MPPE1: variants seen among roughly 807,000 people sequenced by gnomAD.
MPPE1 encodes the protein metallophosphoesterase 1, also known as metallo phosphoesterase.
In MPPE1, 28 loss-of-function variants were observed where a neutral mutation model predicts 43.8. The observed-to-expected ratio is 0.64, with a 90% CI of 0.47 to 0.88. The LOEUF (loss-of-function observed/expected upper bound fraction) is 0.88, where lower values mean the gene tolerates loss of function less well. MPPE1 is among the 40% of genes least tolerant of loss of function. MPPE1 has a pLI of 0.00. For missense variants in MPPE1, 428 were observed against 492.2 expected (o/e 0.87, Z 1.23); for synonymous variants, 159 against 188.5 (o/e 0.84, Z 1.28).
At chr18:11,885,570 T>G in intron 10 of MPPE1, 106 bp downstream of exon 10, 12 of 1,372,620 alleles carry the variant, frequency 8.7e-6, no homozygotes, top group Non-Finnish European at 1.2e-5. Flanking sequence ...GAAATTTGTG[T>G]GTGGCTTTTG....
chr18:11,907,242 A>C (rs1374532558), intron 1 of MPPE1, among the ~76,000 whole-genome samples: 1 of 152,194 alleles, frequency 6.6e-6, no homozygotes, highest in East Asian at 1.9e-4. Context: ...ATTGATAATA[A>C]ATCTTTCAAC....
rs149502185 is a variant in MPPE1, at chr18:11,884,436, G to A, written c.*9C>T. ...CTTGGGCTTTGATATTTATAATGGC[G>A]CCTGCTCTTCATCTTGTCTTACGCT... On this transcript the variant is annotated 3_prime_UTR_variant, in exon 11 of 11. Transcript: ENST00000588072. The A allele has an allele frequency of 2.2e-4, 358 of 1,611,818 alleles. No homozygotes were observed. The highest frequency in any genetic ancestry group is 8.9e-4 in the East Asian group (40 of 44,808).
chr18:11,903,720 G>T lies in MPPE1; in HGVS notation c.-93+2483C>A, dbSNP rs533724550. Among the ~76,000 whole-genome samples, 7 of 152,270 alleles carry T rather than the reference G, an allele frequency of 4.6e-5. No homozygotes were observed. In the South Asian group the frequency reaches 1.2e-3, roughly 27 times the overall value. On this transcript the variant is annotated intron_variant, in intron 2 of 10. Transcript: ENST00000588072. ...ACTCAGGAGGCTGAGGCAGGAGAATGGCGTGAACCCAGGAGGCGGAGCTTG... is the reference window on the plus strand; with the variant it reads ...ACTCAGGAGGCTGAGGCAGGAGAATTGCGTGAACCCAGGAGGCGGAGCTTG...
At chr18:11,903,438 G>A (rs2143268729) in intron 2 of MPPE1, among the ~76,000 whole-genome samples, 1 of 152,272 alleles carries the variant, frequency 6.6e-6, no homozygotes, top group South Asian at 2.1e-4. Flanking sequence ...CCACCCTAAG[G>A]GATGAATCAT....
chr18:11,903,363 C>G (rs149743800), intron 2 of MPPE1, among the ~76,000 whole-genome samples: 2 of 152,294 alleles, frequency 1.3e-5, no homozygotes, highest in African/African-American at 4.8e-5. Flanking sequence ...ATGCGTACAA[C>G]TTCCTAAACA....
At position 11,897,345 on chromosome 18, in the gene MPPE1, T is replaced by G; in HGVS notation, c.-81A>C. ...TGGGGAGGGTGATGGCATTCAGGTC[T>G]TAGCTGGGCACCTACGGGAAAAGGA... On this transcript the variant is annotated 5_prime_UTR_variant, in exon 3 of 11. Transcript: ENST00000588072. 1 of 1,109,118 alleles carries G rather than the reference T, an allele frequency of 9.0e-7. No individual in the cohort carries two copies. Among genetic ancestry groups the G allele is most frequent in the Non-Finnish European group, 1.3e-6 (1 of 763,978 alleles). 68.7% of individuals were successfully genotyped at this position (1,109,118 alleles called of 1,614,324 possible).
Position 11,886,570 on chromosome 18 carries a change from C to G in MPPE1, c.796G>C (p.Ala266Pro). ...SDANCSGEDA[A>P]PAEERDIPFK... ...GGGATGTCCCTTTCCTCTGCAGGAG[C>G]AGCGTCTTCCCCAGAACAGTTAGCA... Residue 266 changes from alanine (A) to proline (P), a missense_variant, in exon 9 of 11, where the codon GCT becomes CCT. Transcript: ENST00000588072. This position sits in a 1 kb window ranked among gnomAD's most constrained non-coding sequence, Gnocchi z 4.1. The G allele has an allele frequency of 6.2e-7, 1 of 1,614,222 alleles. No individual in the cohort carries two copies. Among genetic ancestry groups the G allele is most frequent in the South Asian group, 1.1e-5 (1 of 91,080 alleles).
rs200408524 is a variant in MPPE1 at position 11,889,370 on chromosome 18, T to C, written c.494+17A>G. 307 of 1,532,542 alleles carry C rather than the reference T, an allele frequency of 2.0e-4. No individual in the cohort carries two copies. The African/African-American group carries it at 3.9e-3, about 20-fold the overall frequency. The allele number at this position is 1,532,542 out of a possible 1,614,324, so 94.9% of individuals were successfully genotyped here. A position where few individuals can be genotyped will look rare whatever the true frequency, so the allele number is the denominator to read the frequency against. On this transcript the variant is annotated intron_variant, in intron 5 of 10. Coordinates refer to ENST00000588072, the MANE Select transcript of MPPE1 (RefSeq NM_023075.6). Reference sequence around the variant, plus strand: ...AACAAGAGCTCTCAGGGTGCAGGGCTTTTGTGAACTACTTACTCATAATGG... The same window carrying C: ...AACAAGAGCTCTCAGGGTGCAGGGCCTTTGTGAACTACTTACTCATAATGG...
chr18:11,896,636 T>A (rs1030052360), intron 3 of MPPE1, among the ~76,000 whole-genome samples: 1 of 152,176 alleles, frequency 6.6e-6, no homozygotes, highest in Non-Finnish European at 1.5e-5. Flanking sequence ...AGGGGACCAG[T>A]CCCAGGCACC....
At chr18:11,901,134 G>A (rs943915589) in intron 2 of MPPE1, among the ~76,000 whole-genome samples, 2 of 152,076 alleles carry the variant, frequency 1.3e-5, no homozygotes, top group Non-Finnish European at 2.9e-5. Context: ...TGAAAGGGTA[G>A]GCAATGGTGA....
chr18:11,883,020 G>C lies in MPPE1; in HGVS notation c.*1425C>G, dbSNP rs2036747755. On this transcript the variant is annotated 3_prime_UTR_variant, in exon 11 of 11. Coordinates refer to ENST00000588072, the MANE Select transcript of MPPE1 (RefSeq NM_023075.6). Reference sequence around the variant, plus strand: ...TTAAATTTTCAACAATACAAATCTAGAGAAGTGACAGCCTACATTACTTCA... The same window carrying C: ...TTAAATTTTCAACAATACAAATCTACAGAAGTGACAGCCTACATTACTTCA... 1 of 150,372 alleles carries C rather than the reference G, an allele frequency of 6.7e-6. No homozygotes were observed. Among genetic ancestry groups the C allele is most frequent in the Non-Finnish European group, 1.5e-5 (1 of 67,380 alleles). 9.3% of individuals were successfully genotyped at this position (150,372 alleles called of 1,614,324 possible). A position where few individuals can be genotyped will look rare whatever the true frequency, so the allele number is the denominator to read the frequency against.
intron 2 of MPPE1, among the ~76,000 whole-genome samples, chr18:11,899,640 G>A (rs1365308078): frequency 6.6e-6 from 1 of 152,162 alleles, no homozygotes; most frequent in Non-Finnish European, 1.5e-5. Flanking sequence ...TGAGAAGGGC[G>A]GTGACCTTCC....
At chr18:11,904,598 C>T (rs117416967) in intron 2 of MPPE1, among the ~76,000 whole-genome samples, 4,144 of 152,158 alleles carry the variant, frequency 0.027, 81 homozygotes, top group Non-Finnish European at 0.041. Flanking sequence ...GGATTACAGA[C>T]ATGAGCCACT....
intron 4 of MPPE1, among the ~76,000 whole-genome samples, chr18:11,891,995 G>GGGTCT (rs3974589): frequency 0.42 from 63,967 of 151,560 alleles, 16,817 homozygotes; most frequent in African/African-American, 0.74. Context: ...TGTAGAAACA[G>GGGTCT]CACTAAGTTG....
At chr18:11,889,925 T>C (rs952646628) in intron 4 of MPPE1, among the ~76,000 whole-genome samples, 3 of 150,360 alleles carry the variant, frequency 2.0e-5, no homozygotes, top group Non-Finnish European at 2.9e-5. Flanking sequence ...TCAAATCAGA[T>C]GCCCATAAAG....
rs1440190398 is a variant in MPPE1 at position 11,886,900 on chromosome 18, T to C, written c.678+17A>G. 2 of 1,603,424 alleles carry C rather than the reference T, an allele frequency of 1.2e-6. No individual in the cohort carries two copies. Among genetic ancestry groups the C allele is most frequent in the East Asian group, 2.2e-5 (1 of 44,636 alleles). ...CACGGGACAGAAGGCACCTGTGGCATTCAGATGCTCTCCTACCTCTCGGGA... is the reference window on the plus strand; with the variant it reads ...CACGGGACAGAAGGCACCTGTGGCACTCAGATGCTCTCCTACCTCTCGGGA... On this transcript the variant is annotated intron_variant, in intron 7 of 10. Coordinates refer to ENST00000588072, the MANE Select transcript of MPPE1 (RefSeq NM_023075.6). The surrounding 1 kb of genome is among the most constrained non-coding windows in gnomAD (Gnocchi z 4.1).
chr18:11,895,918 C>T (rs962237209), intron 3 of MPPE1, among the ~76,000 whole-genome samples: 4 of 151,580 alleles, frequency 2.6e-5, no homozygotes, highest in Non-Finnish European at 4.4e-5. Flanking sequence ...AATCTAGAAA[C>T]AGCAGCAGGA....
intron 2 of MPPE1, among the ~76,000 whole-genome samples, chr18:11,899,138 C>T (rs912743081): frequency 2.0e-5 from 3 of 152,072 alleles, no homozygotes; most frequent in African/African-American, 7.2e-5. Context: ...TAGTCTTGAA[C>T]TCCTGAGCTC....
chr18:11,889,349 A>G (rs1039029371), intron 5 of MPPE1, 38 bp downstream of exon 5: 1 of 1,286,862 alleles, frequency 7.8e-7, no homozygotes, highest in Non-Finnish European at 1.1e-6. Flanking sequence ...ACAGTTAACA[A>G]GAGCTCTCAG....
Sources: allele counts gnomAD v4.1 joint callset (sites outside exome capture counted in the v4.1 genomes callset), GRCh38; gene constraint gnomAD v4.1.1; non-coding constraint Gnocchi (gnomAD v3.1); transcripts MANE v1.5; gene names NCBI Gene and HGNC (gene_info 2026-07-23, HGNC 2026-07-21).